ABCC12: variants seen among roughly 807,000 people sequenced by gnomAD.
ABCC12 encodes the protein ATP-binding cassette sub-family C member 12.
A neutral mutation model predicts 151.1 loss-of-function variants in ABCC12; 142 were observed. That is an observed-to-expected ratio of 0.94 (90% CI 0.82 to 1.08). The LOEUF (loss-of-function observed/expected upper bound fraction) is 1.08, where lower values mean the gene tolerates loss of function less well. Ranked by LOEUF, ABCC12 falls within the 50% of genes least tolerant of loss-of-function variation. The probability of loss-of-function intolerance (pLI) is 0.00; values close to 1 mark genes in which losing one functional copy is unlikely to be tolerated. For synonymous variants in ABCC12, 645 were observed against 646.4 expected (o/e 1.00, Z 0.03); for missense variants, 1,638 against 1,691.1 (o/e 0.97, Z 0.55).
intron 6 of ABCC12, 83 bp downstream of exon 6, chr16:48,140,604 C>T: frequency 1.5e-6 from 2 of 1,311,494 alleles, no homozygotes; most frequent in Non-Finnish European, 2.2e-6. Context: ...AAGGCAGGTG[C>T]TCCACTCAGG....
At chr16:48,108,008 CA>C (rs961594613) in intron 19 of ABCC12, among the ~76,000 whole-genome samples, 12 of 138,996 alleles carry the variant, frequency 8.6e-5, no homozygotes, top group East Asian at 2.1e-4. Context: ...GACTCCATTT[CA>C]AAAAAAAAAG....
In ABCC12 at chr16:48,083,774, G is replaced by A. The variant is rs1319386965; in HGVS notation, c.4021C>T (p.Leu1341Phe). Residue 1341 changes from leucine to phenylalanine, a missense_variant, in exon 31 of 31, where the codon CTT (leucine) becomes TTT (phenylalanine). Coordinates refer to ENST00000311303, the MANE Select transcript of ABCC12 (RefSeq NM_001393797.1). Reference sequence around the variant, plus strand: ...AATGCAGAATCTGGCTTCTCTGCAAGGACTTCAGGCTTGTCAAACTCAATC... The same window carrying A: ...AATGCAGAATCTGGCTTCTCTGCAAAGACTTCAGGCTTGTCAAACTCAATC... The part of the protein sequence containing the change: ...KVIEFDKPEV[L>F]AEKPDSAFAM... 9.3e-6 allele frequency: 15 copies of A among 1,614,078 alleles called. No individual in the cohort carries two copies. Among genetic ancestry groups the A allele is most frequent in the Non-Finnish European group, 1.3e-5 (15 of 1,180,050 alleles).
chr16:48,101,121 G>A (rs897576954), intron 22 of ABCC12, 112 bp from the exon 23 acceptor site: 20 of 1,274,254 alleles, frequency 1.6e-5, no homozygotes, highest in Admixed American at 2.7e-5. Flanking sequence ...AGTCAGAGAC[G>A]GTGCCATCTA....
chr16:48,147,439 G>A (rs74018290), intron 2 of ABCC12, among the ~76,000 whole-genome samples: 4,891 of 152,112 alleles, frequency 0.032, 245 homozygotes, highest in African/African-American at 0.11. Flanking sequence ...ATATATAAAC[G>A]GGGTCACATT....
At position 48,083,677 on chromosome 16, in the gene ABCC12, A is replaced by C. The variant is rs202012111; in HGVS notation, c.*38T>G. Reference sequence around the variant, plus strand: ...TGAAGACTCCTCCTATTCATCTCACAGAGCCTCTTCCTCCTCTAGAATCAG... The same window carrying C: ...TGAAGACTCCTCCTATTCATCTCACCGAGCCTCTTCCTCCTCTAGAATCAG... On this transcript the variant is annotated 3_prime_UTR_variant, in exon 31 of 31. Transcript: ENST00000311303. 1.2e-4 allele frequency: 188 copies of C among 1,603,892 alleles called. No homozygotes were observed. The highest frequency in any genetic ancestry group is 1.5e-4 in the Non-Finnish European group (170 of 1,171,684).
chr16:48,125,364 G>T (rs2150644672), intron 11 of ABCC12, among the ~76,000 whole-genome samples: 1 of 152,308 alleles, frequency 6.6e-6, no homozygotes, highest in East Asian at 1.9e-4. Context: ...TTGTTTGAGG[G>T]CTGCTCTCTA....
intron 8 of ABCC12, among the ~76,000 whole-genome samples, chr16:48,137,742 T>C (rs1473760023): frequency 1.3e-5 from 2 of 152,234 alleles, no homozygotes; most frequent in Admixed American, 1.3e-4. Flanking sequence ...ATAGTTTCTA[T>C]ATCAGCTTTA....
intron 21 of ABCC12, among the ~76,000 whole-genome samples, 198 bp downstream of exon 21, chr16:48,104,941 G>A (rs1011863665): frequency 1.3e-5 from 2 of 152,210 alleles, no homozygotes; most frequent in Non-Finnish European, 2.9e-5. Flanking sequence ...ACTCAGGGCT[G>A]ATCCACCCCC....
intron 11 of ABCC12, among the ~76,000 whole-genome samples, chr16:48,127,632 T>G (rs1964283804): frequency 1.3e-5 from 2 of 152,236 alleles, no homozygotes; most frequent in Admixed American, 6.5e-5. Context: ...CTTAGGCTCC[T>G]CAACCATCAA....
rs1366027470 is a variant in ABCC12, at chr16:48,133,690, G to C, written c.1125C>G (p.Pro375=). ...HILLRRKLTA[P]VAFSVIAMFN... is the part of the protein sequence containing the mutation. ...TCGATCTGGAGCCAGCTCTTACCACGGGTGCGGTGAGTTTGCGTCTCAGGA... is the reference window on the plus strand; with the variant it reads ...TCGATCTGGAGCCAGCTCTTACCACCGGTGCGGTGAGTTTGCGTCTCAGGA... Residue 375 remains proline (P), a synonymous_variant, in exon 9 of 31, where the codon CCC becomes CCG. Coordinates refer to ENST00000311303, the MANE Select transcript of ABCC12 (RefSeq NM_001393797.1). 1.9e-6 allele frequency: 3 copies of C among 1,613,812 alleles called. No individual in the cohort carries two copies. Among genetic ancestry groups the C allele is most frequent in the East Asian group, 2.2e-5 (1 of 44,866 alleles).
At chr16:48,124,432 C>T in intron 11 of ABCC12, 148 bp from the exon 12 acceptor site, 2 of 745,734 alleles carry the variant, frequency 2.7e-6, no homozygotes, top group Non-Finnish European at 4.8e-6. Context: ...GCTGCAGCCA[C>T]ACCACCCTGG....
rs112834429 is a variant in ABCC12 at position 48,135,547 on chromosome 16, AT to A, written c.980-1713del. Reference sequence around the variant, plus strand: ...AGGCACATACCACCACACCCAGATAATTTTTTTTTTTAATTTTTTGCAGAGT... The same window carrying A: ...AGGCACATACCACCACACCCAGATAATTTTTTTTTTAATTTTTTGCAGAGT... On this transcript the variant is annotated intron_variant, in intron 8 of 30. Coordinates refer to ENST00000311303, the MANE Select transcript of ABCC12 (RefSeq NM_001393797.1). Among the ~76,000 whole-genome samples, 1,214 of 148,216 alleles carry A rather than the reference AT, an allele frequency of 8.2e-3. 15 individuals carry two copies. Among genetic ancestry groups the A allele is most frequent in the South Asian group, 0.023 (107 of 4,660 alleles).
At chr16:48,093,709 C>A (rs1315578085) in intron 24 of ABCC12, among the ~76,000 whole-genome samples, 1 of 152,196 alleles carries the variant, frequency 6.6e-6, no homozygotes, top group Non-Finnish European at 1.5e-5. Context: ...ATGAACCCTG[C>A]CCTTGAGAAG....
Position 48,105,235 on chromosome 16 carries a change from CA to C in ABCC12, c.2576del (p.Met859ArgfsTer20), listed in dbSNP as rs1963449899. On this transcript the variant is annotated frameshift_variant, in exon 21 of 31. Coordinates refer to ENST00000311303, the MANE Select transcript of ABCC12 (RefSeq NM_001393797.1). LOFTEE classifies it high-confidence loss of function. ...HVYQWVYTAS[M>X]VFMLVFGVTK... ...TGACGCCAAACACCAGCATGAACAC[CA>C]TGCTTGCAGTGTACACCCACTGGTA... 2 of 1,614,050 alleles carry C rather than the reference CA, an allele frequency of 1.2e-6. No homozygotes were observed. The highest frequency in any genetic ancestry group is 2.7e-5 in the African/African-American group (2 of 74,922).
At chr16:48,154,859 G>T (rs1367628951) in intron 1 of ABCC12, among the ~76,000 whole-genome samples, 1 of 152,256 alleles carries the variant, frequency 6.6e-6, no homozygotes, top group African/African-American at 2.4e-5. Context: ...CCAGGTATGA[G>T]ACTACAGCCC....
Position 48,140,807 on chromosome 16 carries a change from A to G in ABCC12, c.537T>C (p.Phe179=). The stretch of plus-strand genomic sequence containing the variant: ...AGTTGATGGCCCAGGCAAGGGCCCA[A>G]AAGAAGACTTTGGTAAACTCGGTGG... ...LFATEFTKVF[F]WALAWAINYR... is the part of the protein sequence containing the mutation. The change falls in exon 6 of 31, where the codon TTT becomes TTC. Residue 179 remains phenylalanine (F), a synonymous_variant. Coordinates refer to ENST00000311303, the MANE Select transcript of ABCC12 (RefSeq NM_001393797.1). 6.2e-7 allele frequency: 1 copy of G among 1,614,196 alleles called. No homozygotes were observed. The highest frequency in any genetic ancestry group is 8.5e-7 in the Non-Finnish European group (1 of 1,180,032).
At chr16:48,127,935 C>A (rs1333075726) in intron 11 of ABCC12, among the ~76,000 whole-genome samples, 3 of 151,938 alleles carry the variant, frequency 2.0e-5, no homozygotes, top group Admixed American at 6.6e-5. Context: ...AAAAATTATC[C>A]CGCTTTCCCC....
At position 48,082,027 on chromosome 16, in the gene ABCC12, A is replaced by G. The variant is rs990586271; in HGVS notation, c.*1688T>C. ...CACTCAGCTGGGAGCAGCTGCTCAG[A>G]ACGCTGTGGATGTGGGTTTAATGAC... On this transcript the variant is annotated 3_prime_UTR_variant, in exon 31 of 31. Coordinates refer to ENST00000311303, the MANE Select transcript of ABCC12 (RefSeq NM_001393797.1). Among the ~76,000 whole-genome samples the G allele has an allele frequency of 6.6e-6, 1 of 152,170 alleles. No individual in the cohort carries two copies. Among genetic ancestry groups the G allele is most frequent in the African/African-American group, 2.4e-5 (1 of 41,440 alleles).
chr16:48,087,110 G>A lies in ABCC12; in HGVS notation c.3636-291C>T, dbSNP rs1962647430. Reference sequence around the variant, plus strand: ...CAAGGTGCTCAGAAAGACACACCTGGGCCTCTCAGCAGCCCCGAGTAGCAG... The same window carrying A: ...CAAGGTGCTCAGAAAGACACACCTGAGCCTCTCAGCAGCCCCGAGTAGCAG... On this transcript the variant is annotated intron_variant, in intron 27 of 30. Transcript: ENST00000311303. 5 of 340,820 alleles carry A rather than the reference G, an allele frequency of 1.5e-5. No homozygotes were observed. The South Asian group carries it at 1.7e-4, about 12-fold the overall frequency. The allele number at this position is 340,820 out of a possible 1,614,324, so 21.1% of individuals were successfully genotyped here. A position where few individuals can be genotyped will look rare whatever the true frequency, so the allele number is the denominator to read the frequency against.
Sources: allele counts gnomAD v4.1 joint callset (sites outside exome capture counted in the v4.1 genomes callset), GRCh38; gene constraint gnomAD v4.1.1; transcripts MANE v1.5; gene names NCBI Gene and HGNC (gene_info 2026-07-23, HGNC 2026-07-21).